Variants in CYP4V2 observed in about 807,000 individuals in gnomAD.
CYP4V2 encodes the protein cytochrome P450 4V2.
Under a neutral mutation model 60.8 loss-of-function variants are expected in CYP4V2, and 55 were observed. The ratio of observed to expected loss-of-function variants is 0.90; its 90% confidence interval spans 0.73 to 1.13. The LOEUF (loss-of-function observed/expected upper bound fraction) is 1.13, where lower values mean the gene tolerates loss of function less well. Ranked by LOEUF, CYP4V2 falls within the 50% of genes most tolerant of loss-of-function variation. The probability of loss-of-function intolerance (pLI) is 0.00; values close to 1 mark genes in which losing one functional copy is unlikely to be tolerated. For synonymous variants in CYP4V2, 239 were observed against 236.8 expected, an observed-to-expected ratio of 1.01 and a Z score of -0.08; for missense variants, 675 against 662.9, an observed-to-expected ratio of 1.02 and a Z score of -0.20.
chr4:186,207,903 G>A (rs984447545), intron 8 of CYP4V2, among the ~76,000 whole-genome samples: 7 of 152,144 alleles, frequency 4.6e-5, no homozygotes, highest in African/African-American at 1.7e-4. Flanking sequence ...GTGACCTTTA[G>A]TGTCTGTTTA....
chr4:186,201,187 G>A lies in CYP4V2; in HGVS notation c.832G>A (p.Ala278Thr), dbSNP rs142136741. ...CGCTGAACGGGCCAATGAAATGAAC[G>A]CCAATGAAGACTGTAGAGGTGATGG... Reference protein sequence around the residue: ...VIAERANEMNANEDCRGDGRG... With the variant: ...VIAERANEMNTNEDCRGDGRG... The change falls in exon 7 of 11, where the codon GCC becomes ACC. Residue 278 changes from alanine (A) to threonine (T), a missense_variant. Coordinates refer to ENST00000378802, the MANE Select transcript of CYP4V2 (RefSeq NM_207352.4). 16 of 1,613,988 alleles carry A rather than the reference G, an allele frequency of 9.9e-6. No homozygotes were observed. The African/African-American group carries it at 1.3e-4, about 13-fold the overall frequency.
At chr4:186,192,317 C>CA (rs1736015600) in intron 1 of CYP4V2, 3 of 662,506 alleles carry the variant, frequency 4.5e-6, no homozygotes, top group Non-Finnish European at 8.4e-6. Context: ...GCTCAGCTCT[C>CA]AAAGCCCTGC....
chr4:186,207,370 C>T (rs1301374534), intron 8 of CYP4V2, among the ~76,000 whole-genome samples: 5 of 143,808 alleles, frequency 3.5e-5, no homozygotes, highest in Non-Finnish European at 7.5e-5. Flanking sequence ...AGAGATTGCA[C>T]CACTGCATTC....
At chr4:186,197,671 A>G (rs1736194240) in intron 5 of CYP4V2, 69 bp downstream of exon 5, 2 of 1,498,332 alleles carry the variant, frequency 1.3e-6, no homozygotes, top group Non-Finnish European at 1.9e-6. Flanking sequence ...ATTGCTAACA[A>G]TTTCTGCGTT....
At chr4:186,202,328 T>A (rs1304374470) in intron 7 of CYP4V2, 1 of 152,202 alleles carries the variant, frequency 6.6e-6, no homozygotes, top group Non-Finnish European at 1.5e-5. Context: ...AGAGAGGTGT[T>A]AAGTGTGTGG....
rs1460836536 is a variant in CYP4V2 at position 186,199,091 on chromosome 4, C to T, written c.801+8C>T. ...CATACTTTTACCAACAGTGTAAGTC[C>T]CTGACTTTTACAATTGTGGTAAAAT... is the stretch of plus-strand genomic sequence containing the variant. On this transcript the variant is annotated splice_region_variant and intron_variant, in intron 6 of 10. Coordinates refer to ENST00000378802, the MANE Select transcript of CYP4V2 (RefSeq NM_207352.4). 6.2e-7 allele frequency: 1 copy of T among 1,612,332 alleles called. No homozygotes were observed. Among genetic ancestry groups the T allele is most frequent in the Admixed American group, 1.7e-5 (1 of 60,008 alleles).
intron 4 of CYP4V2, 85 bp downstream of exon 4, chr4:186,197,215 AT>A: frequency 6.7e-7 from 1 of 1,497,658 alleles, no homozygotes; most frequent in East Asian, 2.3e-5. Context: ...GGGAAGGCAA[AT>A]GGGGGGACGG....
At chr4:186,199,418 A>G (rs1429869474) in intron 6 of CYP4V2, among the ~76,000 whole-genome samples, 1 of 152,262 alleles carries the variant, frequency 6.6e-6, no homozygotes, top group Non-Finnish European at 1.5e-5. Flanking sequence ...AGTGCTAACC[A>G]CCATACCAAA....
In CYP4V2 at chr4:186,204,131, T is replaced by C. The variant is rs528067772; in HGVS notation, c.988-1069T>C. ...AGAAGCCAGGTCCTGAAATATCAAA[T>C]GGGTGGGAAAGAAGGTTGCCCGAGA... On this transcript the variant is annotated intron_variant, in intron 7 of 10. Coordinates refer to ENST00000378802, the MANE Select transcript of CYP4V2 (RefSeq NM_207352.4). The C allele has an allele frequency of 7.8e-4, 121 of 155,682 alleles. 1 individual carries two copies. The highest frequency in any genetic ancestry group is 2.4e-3 in the Admixed American group (37 of 15,702). The allele number at this position is 155,682 out of a possible 1,614,324, so 9.6% of individuals were successfully genotyped here. A position where few individuals can be genotyped will look rare whatever the true frequency, so the allele number is the denominator to read the frequency against.
Position 186,191,806 on chromosome 4 carries a change from C to T in CYP4V2, c.-18C>T, listed in dbSNP as rs1205814573. 1 of 1,526,760 alleles carries T rather than the reference C, an allele frequency of 6.5e-7. No homozygotes were observed. The allele number at this position is 1,526,760 out of a possible 1,614,324, so 94.6% of individuals were successfully genotyped here. A position where few individuals can be genotyped will look rare whatever the true frequency, so the allele number is the denominator to read the frequency against. On this transcript the variant is annotated 5_prime_UTR_variant, in exon 1 of 11. Transcript: ENST00000378802. ...CCGCACTTTCCCGGAGTGCACCCCG[C>T]GGCCGCCAGCCGGGGCGATGGCGGG...
At chr4:186,192,306 T>C (rs1376984555) in intron 1 of CYP4V2, 12 of 677,184 alleles carry the variant, frequency 1.8e-5, no homozygotes, top group African/African-American at 1.8e-4. Context: ...ACCTCACCGC[T>C]GCTCAGCTCT....
intron 6 of CYP4V2, among the ~76,000 whole-genome samples, chr4:186,200,933 A>C (rs1183059302): frequency 6.6e-6 from 1 of 152,226 alleles, no homozygotes; most frequent in African/African-American, 2.4e-5. Context: ...CTTGAAAATT[A>C]GGAATTTGCG....
intron 4 of CYP4V2, 129 bp downstream of exon 4, chr4:186,197,259 C>CG: frequency 8.5e-7 from 1 of 1,171,838 alleles, no homozygotes; most frequent in Non-Finnish European, 1.2e-6. Flanking sequence ...CGCGGTTCTA[C>CG]GACCGCACTG....
At position 186,209,252 on chromosome 4, in the gene CYP4V2, C is replaced by T. The variant is rs139270994; in HGVS notation, c.1385C>T (p.Ala462Val). 9.6e-5 allele frequency: 155 copies of T among 1,613,804 alleles called. No homozygotes were observed. The highest frequency in any genetic ancestry group is 1.3e-4 in the Non-Finnish European group (155 of 1,179,990). ...CCATATGCCTACGTGCCCTTCTCTG[C>T]TGGCCCCAGGAACTGTATAGGTTTG... ...RHPYAYVPFS[A>V]GPRNCIGQKF... is the part of the protein sequence containing the mutation. The change falls in exon 10 of 11, where the codon GCT becomes GTT. Residue 462 changes from alanine (A) to valine (V), a missense_variant. Ala to Val is a moderately conservative substitution (Grantham distance 64). Transcript: ENST00000378802.
intron 6 of CYP4V2, 118 bp downstream of exon 6, chr4:186,199,201 T>A: frequency 9.1e-7 from 1 of 1,095,754 alleles, no homozygotes; most frequent in Non-Finnish European, 1.3e-6. Context: ...TGTGCAACCA[T>A]CCCCACCGTT....
At chr4:186,207,725 T>C (rs1022838076) in intron 8 of CYP4V2, among the ~76,000 whole-genome samples, 2 of 152,096 alleles carry the variant, frequency 1.3e-5, no homozygotes, top group African/African-American at 4.8e-5. Context: ...ACGATAGTTA[T>C]GTCTACCTAA....
Position 186,195,940 on chromosome 4 carries a change from T to C in CYP4V2, c.328-63T>C. ...CTAGCTGTATTCTAGCCAGTATTCC[T>C]ATAATTACAGGAAGGTTGTTTGATG... On this transcript the variant is annotated intron_variant, in intron 2 of 10. Coordinates refer to ENST00000378802, the MANE Select transcript of CYP4V2 (RefSeq NM_207352.4). The surrounding 1 kb of genome is among the most constrained non-coding windows in gnomAD (Gnocchi z 4.1). 1 of 1,197,494 alleles carries C rather than the reference T, an allele frequency of 8.4e-7. No homozygotes were observed. The highest frequency in any genetic ancestry group is 1.2e-6 in the Non-Finnish European group (1 of 807,578). 74.2% of individuals were successfully genotyped at this position (1,197,494 alleles called of 1,614,324 possible).
intron 1 of CYP4V2, among the ~76,000 whole-genome samples, chr4:186,193,933 C>G (rs1056370498): frequency 6.6e-6 from 1 of 152,216 alleles, no homozygotes; most frequent in African/African-American, 2.4e-5. Context: ...CTGCCTTCCC[C>G]AGCTACTCCC....
chr4:186,205,235 C>G lies in CYP4V2; in HGVS notation c.1023C>G (p.Ser341=). ...CAACTGCAGCTGCAATAAACTGGTC[C>G]TTATACCTGTTGGGTTCTAACCCAG... ...HDTTAAAINW[S]LYLLGSNPEV... Residue 341 remains serine (S), a synonymous_variant, in exon 8 of 11, where the codon TCC becomes TCG. Transcript: ENST00000378802. 6.2e-7 allele frequency: 1 copy of G among 1,614,230 alleles called. No individual in the cohort carries two copies.
Sources: allele counts gnomAD v4.1 joint callset (sites outside exome capture counted in the v4.1 genomes callset), GRCh38; gene constraint gnomAD v4.1.1; non-coding constraint Gnocchi (gnomAD v3.1); transcripts MANE v1.5; gene names NCBI Gene and HGNC (gene_info 2026-07-23, HGNC 2026-07-21).